EXOSC7: variants seen among roughly 807,000 people sequenced by gnomAD.
The protein encoded by EXOSC7 is exosome complex component RRP42.
EXOSC7 carries 25 observed loss-of-function variants against 34.3 expected under a neutral mutation model. The ratio of observed to expected loss-of-function variants is 0.73; its 90% CI spans 0.53 to 1.02. The LOEUF (loss-of-function observed/expected upper bound fraction) is 1.02. Ranked by LOEUF, EXOSC7 falls within the 50% of genes least tolerant of loss-of-function variation. The pLI is 0.00. For synonymous variants in EXOSC7, 130 were observed against 143.0 expected, an observed-to-expected ratio of 0.91 and a Z score of 0.65; for missense variants, 370 against 368.5, an observed-to-expected ratio of 1.00 and a Z score of -0.03.
chr3:44,986,735 A>G (rs1365086572), intron 1 of EXOSC7, among the ~76,000 whole-genome samples: 2 of 152,172 alleles, frequency 1.3e-5, no homozygotes, highest in Admixed American at 1.3e-4. Context: ...TGTGATGTTT[A>G]TTTTCTGTCA....
chr3:45,009,509 C>CT (rs35215633), intron 7 of EXOSC7, among the ~76,000 whole-genome samples: 27,713 of 151,598 alleles, frequency 0.18, 3,506 homozygotes, highest in Non-Finnish European at 0.27. Context: ...CAGATTCAGA[C>CT]TTTTTTTTCT....
At chr3:44,987,770 C>T (rs1706462886) in intron 1 of EXOSC7, among the ~76,000 whole-genome samples, 1 of 152,174 alleles carries the variant, frequency 6.6e-6, no homozygotes, top group Non-Finnish European at 1.5e-5. Context: ...AGTTCAGAAA[C>T]TGTGTATACT....
Position 45,007,582 on chromosome 3 carries a change from C to G in EXOSC7, c.771+7C>G, listed in dbSNP as rs762159320. The G allele has an allele frequency of 3.8e-6, 6 of 1,598,144 alleles. No individual in the cohort carries two copies. The African/African-American group carries it at 8.0e-5, about 21-fold the overall frequency. On this transcript the variant is annotated splice_region_variant and intron_variant, in intron 7 of 7. Coordinates refer to ENST00000265564, the MANE Select transcript of EXOSC7 (RefSeq NM_015004.4). The stretch of plus-strand genomic sequence containing the variant: ...CATCTTCGAGATGATGGAGGTGAGG[C>G]CTTAGTTCTGAGGAAGGTGCAGGGA...
At chr3:44,980,725 T>G (rs950897229) in intron 1 of EXOSC7, among the ~76,000 whole-genome samples, 5 of 152,252 alleles carry the variant, frequency 3.3e-5, no homozygotes, top group African/African-American at 1.2e-4. Flanking sequence ...GAGAAAGTTC[T>G]AATTGACACC....
chr3:44,987,747 G>T (rs954763193), intron 1 of EXOSC7, among the ~76,000 whole-genome samples: 14 of 152,144 alleles, frequency 9.2e-5, no homozygotes, highest in African/African-American at 3.4e-4. Flanking sequence ...TTCTCACAGG[G>T]GTATGGGTTA....
At chr3:44,997,391 C>T (rs1257786512) in intron 4 of EXOSC7, 139 bp downstream of exon 4, 7 of 642,202 alleles carry the variant, frequency 1.1e-5, no homozygotes, top group Non-Finnish European at 1.8e-5. Context: ...AAAAGATGGT[C>T]TCCTATAATA....
chr3:45,003,992 G>A (rs1192715167), intron 5 of EXOSC7, among the ~76,000 whole-genome samples: 8 of 152,170 alleles, frequency 5.3e-5, no homozygotes, highest in Non-Finnish European at 8.8e-5. Context: ...CCAGTCTGCT[G>A]TTGTTTATCA....
At chr3:44,989,766 G>A (rs1412614987) in intron 3 of EXOSC7, 122 bp downstream of exon 3, 2 of 742,182 alleles carry the variant, frequency 2.7e-6, no homozygotes, top group Non-Finnish European at 4.5e-6. Context: ...CATCCAGCAG[G>A]CATTTGCTGA....
intron 4 of EXOSC7, among the ~76,000 whole-genome samples, chr3:45,000,926 T>G (rs1706857058): frequency 6.6e-6 from 1 of 151,932 alleles, no homozygotes; most frequent in Non-Finnish European, 1.5e-5. Context: ...GGCCTCTGAG[T>G]GTTGGTACCA....
At chr3:44,999,766 T>C (rs1017076420) in intron 4 of EXOSC7, among the ~76,000 whole-genome samples, 1 of 152,246 alleles carries the variant, frequency 6.6e-6, no homozygotes, top group African/African-American at 2.4e-5. Context: ...GTATTATTGA[T>C]GAGGCCGATC....
At chr3:44,994,972 G>T (rs769347368) in intron 3 of EXOSC7, among the ~76,000 whole-genome samples, 3 of 151,716 alleles carry the variant, frequency 2.0e-5, no homozygotes, top group Non-Finnish European at 2.9e-5. Context: ...AACCAGTGGG[G>T]CATGGGTTTG....
intron 3 of EXOSC7, among the ~76,000 whole-genome samples, chr3:44,996,820 T>C (rs1012067163): frequency 5.9e-5 from 9 of 152,220 alleles, no homozygotes; most frequent in Admixed American, 1.3e-4. Context: ...CTCCTGTTTC[T>C]CTTTGACTAA....
chr3:45,010,732 C>G (rs541705528), intron 7 of EXOSC7, among the ~76,000 whole-genome samples: 1 of 152,300 alleles, frequency 6.6e-6, no homozygotes, highest in South Asian at 2.1e-4. Context: ...CAGGTACTGA[C>G]TTTGGTCACA....
chr3:45,005,391 C>T lies in EXOSC7; in HGVS notation c.592C>T (p.Pro198Ser). 9 of 1,614,024 alleles carry T rather than the reference C, an allele frequency of 5.6e-6. No individual in the cohort carries two copies. The highest frequency in any genetic ancestry group is 6.8e-6 in the Non-Finnish European group (8 of 1,179,954). ...CATACGACTAAGTGTGGAGAATGTC[C>T]CCTGCATTGTCACTCTGTGCAAGGT... ...DCIRLSVENV[P>S]CIVTLCKIGY... The change falls in exon 6 of 8, where the codon CCC (proline) becomes TCC (serine). Residue 198 changes from proline to serine, a missense_variant. Pro to Ser is a moderately conservative substitution (Grantham distance 74, BLOSUM62 -1). Transcript: ENST00000265564.
intron 6 of EXOSC7, among the ~76,000 whole-genome samples, chr3:45,006,378 G>C (rs1176282732): frequency 6.7e-6 from 1 of 148,458 alleles, no homozygotes; most frequent in African/African-American, 2.5e-5. Flanking sequence ...GCACCTAGCC[G>C]GCTTGTTCTT....
chr3:45,011,759 G>A (rs960213830), downstream of EXOSC7, among the ~76,000 whole-genome samples: 1 of 152,194 alleles, frequency 6.6e-6, no homozygotes, highest in Admixed American at 6.5e-5. Context: ...AAAAGAGGAG[G>A]CACTCTGCTG....
intron 3 of EXOSC7, among the ~76,000 whole-genome samples, chr3:44,994,728 C>T (rs949556360): frequency 5.3e-5 from 8 of 152,022 alleles, no homozygotes; most frequent in East Asian, 1.9e-4. Context: ...AATTGCTTTC[C>T]GTTTTCCTAG....
chr3:45,001,563 T>A lies in EXOSC7; in HGVS notation c.446T>A (p.Phe149Tyr). 1 of 1,613,912 alleles carries A rather than the reference T, an allele frequency of 6.2e-7. No individual in the cohort carries two copies. Among genetic ancestry groups the A allele is most frequent in the Non-Finnish European group, 8.5e-7 (1 of 1,179,772 alleles). Residue 149 changes from phenylalanine (F) to tyrosine (Y), a missense_variant, in exon 5 of 8, where the codon TTT (phenylalanine) becomes TAT (tyrosine). Phe to Tyr is a conservative substitution (Grantham distance 22). Coordinates refer to ENST00000265564, the MANE Select transcript of EXOSC7 (RefSeq NM_015004.4). ...VLLLECGGNL[F>Y]DAISIAVKAA... ...CTTCTGGAATGTGGTGGAAATTTGT[T>A]TGATGCCATTTCCATTGCTGTAAAG...
chr3:44,998,031 G>GTTTTTTT (rs200353427), intron 4 of EXOSC7, among the ~76,000 whole-genome samples: 19 of 142,774 alleles, frequency 1.3e-4, no homozygotes, highest in South Asian at 2.2e-4. Flanking sequence ...ATTTTTTTTT[G>GTTTTTTT]TTTTTTTGTT....
Sources: allele counts gnomAD v4.1 joint callset (sites outside exome capture counted in the v4.1 genomes callset), GRCh38; gene constraint gnomAD v4.1.1; transcripts MANE v1.5; gene names NCBI Gene and HGNC (gene_info 2026-07-23, HGNC 2026-07-21).